The following RGS7 variants were observed in gnomAD, a reference collection of about 807,000 sequenced individuals.
RGS7 encodes regulator of G-protein signaling 7.
In RGS7, 27 loss-of-function variants were observed where a neutral mutation model predicts 81.1. The ratio of observed to expected loss-of-function variants is 0.33; its 90% confidence interval spans 0.25 to 0.46. RGS7 has a LOEUF of 0.46. Ranked by LOEUF, RGS7 falls within the 20% of genes least tolerant of loss-of-function variation. RGS7 has a pLI of 1.00. For missense variants in RGS7, 396 were observed against 607.4 expected (o/e 0.65, Z 3.66); for synonymous variants, 208 against 207.7 (o/e 1.00, Z -0.01).
chr1:241,089,452 G>A (rs993746720), intron 3 of RGS7, among the ~76,000 whole-genome samples: 2 of 151,880 alleles, frequency 1.3e-5, no homozygotes, highest in African/African-American at 4.8e-5. Flanking sequence ...GCAGGACATA[G>A]GTAAACGTAC....
At chr1:241,317,567 C>T (rs778555231) in intron 2 of RGS7, among the ~76,000 whole-genome samples, 26 of 152,192 alleles carry the variant, frequency 1.7e-4, no homozygotes, top group South Asian at 6.2e-4. Flanking sequence ...CTGAGGCAGG[C>T]TTCTCAAGGT....
At chr1:241,095,004 C>T (rs1447888255) in intron 3 of RGS7, among the ~76,000 whole-genome samples, 1 of 152,158 alleles carries the variant, frequency 6.6e-6, no homozygotes, top group East Asian at 1.9e-4. Flanking sequence ...GATTATTCTT[C>T]CTAACTGCTT....
At chr1:241,007,511 T>G (rs564581709) in intron 3 of RGS7, among the ~76,000 whole-genome samples, 1 of 152,310 alleles carries the variant, frequency 6.6e-6, no homozygotes, top group East Asian at 1.9e-4. Context: ...TTGGTGCCCC[T>G]AAACTCTACG....
chr1:241,068,238 G>GTGTGTGTGTATA, intron 3 of RGS7, among the ~76,000 whole-genome samples: 1 of 35,660 alleles, frequency 2.8e-5, no homozygotes, highest in African/African-American at 9.5e-5. Context: ...GTGTGTGTGT[G>GTGTGTGTGTATA]TATATATATA....
At chr1:241,329,847 A>T (rs1014579420) in intron 2 of RGS7, among the ~76,000 whole-genome samples, 1 of 152,200 alleles carries the variant, frequency 6.6e-6, no homozygotes, top group Non-Finnish European at 1.5e-5. Context: ...ATGGTTTATA[A>T]CTAGGCTTTC....
At chr1:241,342,984 C>T (rs1392181140) in intron 2 of RGS7, among the ~76,000 whole-genome samples, 3 of 152,058 alleles carry the variant, frequency 2.0e-5, no homozygotes, top group South Asian at 2.1e-4. Flanking sequence ...AAGTATAGGC[C>T]AGGTGCGGTG....
chr1:241,044,853 T>C (rs1558640842), intron 3 of RGS7, among the ~76,000 whole-genome samples: 1 of 152,230 alleles, frequency 6.6e-6, no homozygotes, highest in African/African-American at 2.4e-5. Context: ...CACAAGAATT[T>C]AGAGCAATGC....
intron 10 of RGS7, chr1:240,823,393 C>T (rs1391652001): frequency 1.2e-5 from 5 of 428,856 alleles, no homozygotes; most frequent in East Asian, 1.1e-4. Flanking sequence ...GCCGAAGCCC[C>T]GCACCACTTG....
chr1:241,264,915 G>A (rs865845609), intron 2 of RGS7, among the ~76,000 whole-genome samples: 4 of 152,282 alleles, frequency 2.6e-5, no homozygotes, highest in Middle Eastern at 6.8e-3. Flanking sequence ...ATCCTCCAGC[G>A]GCCTAACTGC....
At chr1:240,860,702 C>G (rs1662046426) in intron 9 of RGS7, among the ~76,000 whole-genome samples, 1 of 152,110 alleles carries the variant, frequency 6.6e-6, no homozygotes, top group Non-Finnish European at 1.5e-5. Context: ...AGAGACCTTC[C>G]AAATGAATAA....
chr1:240,874,993 G>A (rs2148052580), intron 6 of RGS7, among the ~76,000 whole-genome samples: 1 of 152,096 alleles, frequency 6.6e-6, no homozygotes, highest in Non-Finnish European at 1.5e-5. Context: ...AGTGAGCTGA[G>A]ATCCCACCAT....
At chr1:240,788,808 T>C (rs1183990241) in intron 18 of RGS7, among the ~76,000 whole-genome samples, 2 of 152,162 alleles carry the variant, frequency 1.3e-5, no homozygotes, top group Non-Finnish European at 2.9e-5. Context: ...CCCCTGGTGA[T>C]TTTTGAGGTA....
intron 2 of RGS7, among the ~76,000 whole-genome samples, chr1:241,130,168 T>A (rs7548582): frequency 1.3e-5 from 2 of 151,874 alleles, no homozygotes; most frequent in African/African-American, 2.4e-5. Context: ...TGGCTAACTT[T>A]AAAAAGGAGA....
intron 9 of RGS7, among the ~76,000 whole-genome samples, chr1:240,849,200 T>C (rs1214542933): frequency 6.6e-6 from 1 of 152,204 alleles, no homozygotes. Flanking sequence ...TTGCCTTTAA[T>C]TACATGTTTC....
intron 2 of RGS7, among the ~76,000 whole-genome samples, chr1:241,328,442 C>A (rs752599786): frequency 6.6e-6 from 1 of 152,228 alleles, no homozygotes; most frequent in African/African-American, 2.4e-5. Context: ...ACTACAGGCC[C>A]AGCTCCACTC....
rs552673064 is a variant in RGS7 at position 240,838,930 on chromosome 1, A to AT, written c.610-11759dup. ...ATTACAGGATTAGGATTACAGGCTA[A>AT]TTTTTTTTGTATTTTTAGTAGAGAC... is the stretch of plus-strand genomic sequence containing the variant. On this transcript the variant is annotated intron_variant, in intron 9 of 18. Transcript: ENST00000440928. 6.3e-3 allele frequency among the ~76,000 whole-genome samples: 963 copies of AT among 151,878 alleles called. 7 individuals carry two copies. Among genetic ancestry groups the AT allele is most frequent in the African/African-American group, 0.02 (845 of 41,426 alleles).
chr1:240,956,196 G>T (rs1680386082), intron 4 of RGS7, among the ~76,000 whole-genome samples: 1 of 152,136 alleles, frequency 6.6e-6, no homozygotes, highest in Non-Finnish European at 1.5e-5. Context: ...TCCCTGATGA[G>T]TAAGCAAGGG....
At chr1:241,300,480 TTGCCTTTTCCAGAA>T (rs541783200) in intron 2 of RGS7, among the ~76,000 whole-genome samples, 162 of 152,362 alleles carry the variant, frequency 1.1e-3, no homozygotes, top group Non-Finnish European at 1.6e-3. Flanking sequence ...CTCCATAGTT[TTGCCTTTTCCAGAA>T]TGTCAAATAG....
chr1:241,156,875 G>A lies in RGS7; in HGVS notation c.79-58113C>T, dbSNP rs185536561. 1.3e-3 allele frequency among the ~76,000 whole-genome samples: 199 copies of A among 152,226 alleles called. 2 individuals carry two copies. Among genetic ancestry groups the A allele is most frequent in the African/African-American group, 4.6e-3 (193 of 41,536 alleles). On this transcript the variant is annotated intron_variant, in intron 2 of 18. Transcript: ENST00000440928. ...TCTGTGTGGCTGGGCCTGCATTGTA[G>A]CTCAATTTCTCCCCCTCCTCACTAC...
Sources: gnomAD v4.1 joint callset for allele counts (sites outside exome capture counted in the v4.1 genomes callset) on GRCh38, gnomAD v4.1.1 for gene constraint, MANE v1.5 for transcripts, NCBI Gene and HGNC (gene_info 2026-07-23, HGNC 2026-07-21) for gene names.